SLA: variants seen among roughly 807,000 people sequenced by gnomAD.
The protein encoded by SLA is src-like-adapter.
SLA carries 16 observed loss-of-function variants against 30.3 expected under a neutral mutation model. That is an observed-to-expected ratio of 0.53 (90% CI 0.36 to 0.80). The LOEUF (loss-of-function observed/expected upper bound fraction) is 0.80, where lower values mean the gene tolerates loss of function less well. Among genes scored for constraint, SLA ranks in the 30% least tolerant of loss-of-function variants. The pLI, the probability that SLA is intolerant of heterozygous loss-of-function variation, is 0.01. For synonymous variants in SLA, 143 were observed against 137.8 expected (o/e 1.04, Z -0.26); for missense variants, 310 against 345.2 (o/e 0.90, Z 0.81).
intron 1 of SLA, among the ~76,000 whole-genome samples, chr8:133,077,037 C>T (rs1032912069): frequency 8.5e-5 from 13 of 152,170 alleles, no homozygotes; most frequent in East Asian, 1.9e-4. Context: ...GACCGAGGGG[C>T]GCAGATGTGC....
intron 1 of SLA, among the ~76,000 whole-genome samples, chr8:133,095,880 A>C (rs1341692497): frequency 6.6e-6 from 1 of 152,198 alleles, no homozygotes; most frequent in African/African-American, 2.4e-5. Flanking sequence ...CACCTGTCAG[A>C]GTCACTGCCT....
chr8:133,060,198 A>G lies in SLA; in HGVS notation c.-38T>C, dbSNP rs374941178. 10 of 1,613,376 alleles carry G rather than the reference A, an allele frequency of 6.2e-6. No homozygotes were observed. Among genetic ancestry groups the G allele is most frequent in the Non-Finnish European group, 8.5e-6 (10 of 1,179,756 alleles). ...CCCTGGGGCCGCTGGTGATGCCCAGAGCCTGTGGTATAGGAGACAGACGGG... is the reference window on the plus strand; with the variant it reads ...CCCTGGGGCCGCTGGTGATGCCCAGGGCCTGTGGTATAGGAGACAGACGGG... On this transcript the variant is annotated splice_region_variant and 5_prime_UTR_variant, in exon 3 of 9. Coordinates refer to ENST00000338087, the MANE Select transcript of SLA (RefSeq NM_001045556.3).
chr8:133,060,496 G>C, intron 2 of SLA: 1 of 812,842 alleles, frequency 1.2e-6, no homozygotes, highest in Non-Finnish European at 1.8e-6. Context: ...AGCCACAGCA[G>C]GGTTTGTGTG....
chr8:133,077,816 A>T (rs1845137804), intron 1 of SLA, among the ~76,000 whole-genome samples: 1 of 151,444 alleles, frequency 6.6e-6, no homozygotes, highest in African/African-American at 2.4e-5. Flanking sequence ...TGTGCATTGG[A>T]GGATGTGCCA....
At chr8:133,039,069 G>C (rs996554411) in intron 8 of SLA, among the ~76,000 whole-genome samples, 2 of 152,088 alleles carry the variant, frequency 1.3e-5, no homozygotes, top group African/African-American at 4.8e-5. Context: ...AGTAGAGACA[G>C]GGTTTCACCA....
At chr8:133,071,566 G>T (rs975064387) in intron 2 of SLA, among the ~76,000 whole-genome samples, 1 of 152,096 alleles carries the variant, frequency 6.6e-6, no homozygotes, top group African/African-American at 2.4e-5. Flanking sequence ...ACACACTCTG[G>T]TGCTTGGAAC....
chr8:133,093,139 C>CTTTTCTTTTCT (rs1564180887), intron 1 of SLA, among the ~76,000 whole-genome samples: 2 of 146,320 alleles, frequency 1.4e-5, no homozygotes, highest in Admixed American at 6.8e-5. Context: ...CTTTTCTTTT[C>CTTTTCTTTTCT]TTTTTTTTTT....
chr8:133,091,459 C>T (rs1475814869), intron 1 of SLA, among the ~76,000 whole-genome samples: 4 of 152,166 alleles, frequency 2.6e-5, no homozygotes, highest in Non-Finnish European at 5.9e-5. Flanking sequence ...CGGGTAGCTG[C>T]CCACCCCGCT....
intron 2 of SLA, among the ~76,000 whole-genome samples, chr8:133,071,385 C>G (rs982246926): frequency 6.6e-6 from 1 of 152,148 alleles, no homozygotes; most frequent in Non-Finnish European, 1.5e-5. Flanking sequence ...TCCCAGCTAC[C>G]GTGTCCTTAG....
At chr8:133,091,885 G>C (rs1461930846) in intron 1 of SLA, among the ~76,000 whole-genome samples, 2 of 151,986 alleles carry the variant, frequency 1.3e-5, no homozygotes, top group Non-Finnish European at 1.5e-5. Flanking sequence ...GTGTGAGTGT[G>C]TCTCTATCTA....
At chr8:133,096,368 G>A in intron 1 of SLA, 1 of 1,614,204 alleles carries the variant, frequency 6.2e-7, no homozygotes, top group African/African-American at 1.3e-5. Context: ...AGCAAAGGCT[G>A]TGAAGGTAAG....
chr8:133,055,814 CT>C (rs1458080746), intron 3 of SLA, among the ~76,000 whole-genome samples: 2 of 148,976 alleles, frequency 1.3e-5, no homozygotes, highest in Non-Finnish European at 3.0e-5. Context: ...CTTCCTCCCC[CT>C]CCTCATCACC....
chr8:133,040,355 T>C lies in SLA; in HGVS notation c.485-225A>G, dbSNP rs1837987361. 2.8e-5 allele frequency: 15 copies of C among 540,062 alleles called. No individual in the cohort carries two copies. The South Asian group carries it at 3.8e-4, about 14-fold the overall frequency. The allele number at this position is 540,062 out of a possible 1,614,324, so 33.5% of individuals were successfully genotyped here. A position where few individuals can be genotyped will look rare whatever the true frequency, so the allele number is the denominator to read the frequency against. On this transcript the variant is annotated intron_variant, in intron 7 of 8. Coordinates refer to ENST00000338087, the MANE Select transcript of SLA (RefSeq NM_001045556.3). ...GGTATACTCTGCACTTAGCCAGGCA[T>C]GGGCAGAGAGAGAGGTTTAAGATCC...
At chr8:133,052,910 C>A (rs776202424) in intron 3 of SLA, among the ~76,000 whole-genome samples, 2 of 152,200 alleles carry the variant, frequency 1.3e-5, no homozygotes, top group Non-Finnish European at 2.9e-5. Context: ...GTTTCCTAGT[C>A]TGGAAAATGA....
chr8:133,038,466 C>T lies in SLA; in HGVS notation c.*58G>A, dbSNP rs1245765853. The T allele has an allele frequency of 7.3e-7, 1 of 1,377,316 alleles. No homozygotes were observed. Among genetic ancestry groups the T allele is most frequent in the East Asian group, 2.3e-5 (1 of 43,752 alleles). 85.3% of individuals were successfully genotyped at this position (1,377,316 alleles called of 1,614,324 possible). On this transcript the variant is annotated 3_prime_UTR_variant, in exon 9 of 9. Transcript: ENST00000338087. ...GGGAACCTCGCTTTTCGCAAGATCC[C>T]AGGCAATAGTTGGAACTTCTGTTCC... is the stretch of plus-strand genomic sequence containing the variant.
chr8:133,050,183 C>A lies in SLA; in HGVS notation c.162-195G>T, dbSNP rs547066247. The A allele has an allele frequency of 7.9e-4, 461 of 582,600 alleles. 3 individuals are homozygous for A. Among genetic ancestry groups the A allele is most frequent in the Non-Finnish European group, 1.3e-3 (407 of 323,754 alleles). 36.1% of individuals were successfully genotyped at this position (582,600 alleles called of 1,614,324 possible). A position where few individuals can be genotyped will look rare whatever the true frequency, so the allele number is the denominator to read the frequency against. ...AAGGATATGTGTCCAGTGGATAGCC[C>A]TCCATTGCAAGCCAACTGGTAAACC... On this transcript the variant is annotated intron_variant, in intron 4 of 8. Transcript: ENST00000338087.
Position 133,050,871 on chromosome 8 carries a change from G to A in SLA, c.106C>T (p.Pro36Ser). Residue 36 changes from proline to serine, a missense_variant, in exon 4 of 9, where the codon CCT (proline) becomes TCT (serine). Pro to Ser is a moderately conservative substitution (Grantham distance 74, BLOSUM62 -1). Transcript: ENST00000338087. Reference protein sequence around the residue: ...FLAVLSDYPSPDISPPIFRRG... With the variant: ...FLAVLSDYPSSDISPPIFRRG... Reference sequence around the variant, plus strand: ...CGGAATATCGGGGGGCTGATGTCAGGAGACGGGTAGTCACTTAGCACGGCA... The same window carrying A: ...CGGAATATCGGGGGGCTGATGTCAGAAGACGGGTAGTCACTTAGCACGGCA... 1 of 1,614,032 alleles carries A rather than the reference G, an allele frequency of 6.2e-7. No individual in the cohort carries two copies. Among genetic ancestry groups the A allele is most frequent in the Non-Finnish European group, 8.5e-7 (1 of 1,179,892 alleles).
In SLA at chr8:133,060,094, A is replaced by G. The variant is rs760791842; in HGVS notation, c.61+6T>C. On this transcript the variant is annotated splice_donor_region_variant and intron_variant, in intron 3 of 8. Transcript: ENST00000338087. Reference sequence around the variant, plus strand: ...TCAAGCATCTCACCAGAGAAGCCAGACTTACCCTCCGGGTTGGGCAGGGGC... The same window carrying G: ...TCAAGCATCTCACCAGAGAAGCCAGGCTTACCCTCCGGGTTGGGCAGGGGC... 1.9e-6 allele frequency: 3 copies of G among 1,591,828 alleles called. No homozygotes were observed. The South Asian group carries it at 3.4e-5, about 18-fold the overall frequency.
Position 133,038,283 on chromosome 8 carries a change from C to T in SLA, c.*241G>A, listed in dbSNP as rs1459394615. 2.7e-5 allele frequency: 15 copies of T among 550,970 alleles called. No individual in the cohort carries two copies. The highest frequency in any genetic ancestry group is 3.6e-5 in the Non-Finnish European group (11 of 306,720). The allele number at this position is 550,970 out of a possible 1,614,324, so 34.1% of individuals were successfully genotyped here. ...ATACATGCTGGGCTCTTCCAAGCAT[C>T]GCCCGACATGTCATGATCCAATGTT... On this transcript the variant is annotated 3_prime_UTR_variant, in exon 9 of 9. Transcript: ENST00000338087.
Sources: allele counts gnomAD v4.1 joint callset (sites outside exome capture counted in the v4.1 genomes callset), GRCh38; gene constraint gnomAD v4.1.1; transcripts MANE v1.5; gene names NCBI Gene and HGNC (gene_info 2026-07-23, HGNC 2026-07-21).